Variants in CMSS1 observed in about 807,000 individuals in gnomAD.
The protein encoded by CMSS1 is protein CMSS1.
A neutral mutation model predicts 43.5 loss-of-function variants in CMSS1; 33 were observed. The ratio of observed to expected loss-of-function variants is 0.76; its 90% confidence interval spans 0.57 to 1.01. The LOEUF (loss-of-function observed/expected upper bound fraction) is 1.01. CMSS1 is among the 50% of genes least tolerant of loss of function. The pLI is 0.00. For missense variants in CMSS1, 313 were observed against 326.4 expected (o/e 0.96, Z 0.32); for synonymous variants, 115 against 117.2 (o/e 0.98, Z 0.12).
chr3:99,855,058 C>T (rs1943890721), intron 1 of CMSS1, among the ~76,000 whole-genome samples: 1 of 152,164 alleles, frequency 6.6e-6, no homozygotes, highest in Non-Finnish European at 1.5e-5. Context: ...CAAGGCTTTA[C>T]CATTTACATG....
chr3:100,061,738 C>G (rs1295065078), intron 1 of CMSS1, among the ~76,000 whole-genome samples: 6 of 152,182 alleles, frequency 3.9e-5, no homozygotes, highest in Admixed American at 6.5e-5. Flanking sequence ...TCCTCCCATT[C>G]TGAGGTGAGA....
intron 1 of CMSS1, chr3:99,847,954 T>C (rs1376045397): frequency 2.9e-6 from 3 of 1,021,436 alleles, no homozygotes; most frequent in East Asian, 8.4e-5. Flanking sequence ...TTTACTGTTT[T>C]ATAATGTTAA....
chr3:99,961,709 A>T lies in CMSS1; in HGVS notation c.64+143666A>T, dbSNP rs562621164. Among the ~76,000 whole-genome samples the T allele has an allele frequency of 1.5e-3, 232 of 152,266 alleles. 1 individual carries two copies. The highest frequency in any genetic ancestry group is 6.2e-3 in the East Asian group (32 of 5,188). On this transcript the variant is annotated intron_variant, in intron 1 of 9. Transcript: ENST00000421999. ...TTATAAGTGATTTAGTCTAAAAAAA[A>T]TTTTTTAAGAATATTCTTCTCCTTC...
chr3:99,983,389 A>AATATGTATATATATATATAT (rs1553702701), intron 1 of CMSS1, among the ~76,000 whole-genome samples: 4 of 40,796 alleles, frequency 9.8e-5, no homozygotes, highest in Non-Finnish European at 1.8e-4. Context: ...TAAATAAATA[A>AATATGTATATATATATATAT]ATATATATAT....
chr3:100,091,899 A>G (rs1459278312), intron 1 of CMSS1, among the ~76,000 whole-genome samples: 2 of 152,226 alleles, frequency 1.3e-5, no homozygotes, highest in Non-Finnish European at 2.9e-5. Flanking sequence ...GGCAGTATAT[A>G]ACATGGTGGT....
chr3:99,833,135 G>A, intron 1 of CMSS1: 1 of 1,015,756 alleles, frequency 9.8e-7, no homozygotes, highest in Non-Finnish European at 1.5e-6. Flanking sequence ...AAGTTGGAAA[G>A]CTCATTCATA....
chr3:100,039,976 A>G (rs2065176491), intron 1 of CMSS1: 2 of 152,084 alleles, frequency 1.3e-5, no homozygotes, highest in South Asian at 4.2e-4. Context: ...GATGGTCTCG[A>G]TCTCTTGACC....
In CMSS1 at chr3:99,938,089, G is replaced by A. The variant is rs919247505; in HGVS notation, c.64+120046G>A. The stretch of plus-strand genomic sequence containing the variant: ...TGTGTGTGTGTGCGCGCGCGCGCGC[G>A]CGTGCATGCACACTCGTGCTGGGTG... On this transcript the variant is annotated intron_variant, in intron 1 of 9. Coordinates refer to ENST00000421999, the MANE Select transcript of CMSS1 (RefSeq NM_032359.4). Among the ~76,000 whole-genome samples, 18 of 152,122 alleles carry A rather than the reference G, an allele frequency of 1.2e-4. No individual in the cohort carries two copies. In the South Asian group the frequency reaches 1.2e-3, roughly 11 times the overall value.
At chr3:100,003,260 T>G (rs1265836119) in intron 1 of CMSS1, among the ~76,000 whole-genome samples, 1 of 152,228 alleles carries the variant, frequency 6.6e-6, no homozygotes, top group East Asian at 1.9e-4. Flanking sequence ...ATGTTAGAAC[T>G]GGCAAGTTAC....
chr3:99,998,933 C>T (rs899638366), intron 1 of CMSS1, among the ~76,000 whole-genome samples: 1 of 152,218 alleles, frequency 6.6e-6, no homozygotes, highest in African/African-American at 2.4e-5. Context: ...TCTCCACTAT[C>T]TTTGGCATAA....
intron 1 of CMSS1, chr3:100,114,893 C>T: frequency 7.4e-7 from 1 of 1,345,812 alleles, no homozygotes; most frequent in Non-Finnish European, 1.0e-6. Flanking sequence ...ATTATTAACG[C>T]TGTGTTGGAC....
At chr3:99,924,269 C>T (rs546265920) in intron 1 of CMSS1, 2 of 1,614,032 alleles carry the variant, frequency 1.2e-6, no homozygotes, top group Admixed American at 1.7e-5. Flanking sequence ...GAATTCATCA[C>T]TCTTCTCCAT....
At chr3:100,023,020 A>G (rs949262070) in intron 1 of CMSS1, among the ~76,000 whole-genome samples, 2 of 152,108 alleles carry the variant, frequency 1.3e-5, no homozygotes, top group African/African-American at 4.8e-5. Context: ...GAGTAGCCAC[A>G]CCTCTCCATG....
chr3:100,020,707 A>T (rs1188560566), intron 1 of CMSS1, among the ~76,000 whole-genome samples: 1 of 150,322 alleles, frequency 6.7e-6, no homozygotes, highest in Non-Finnish European at 1.5e-5. Context: ...GCGAGTATAC[A>T]TGTTACTATT....
intron 1 of CMSS1, among the ~76,000 whole-genome samples, chr3:100,026,671 C>A (rs756599651): frequency 6.6e-6 from 1 of 152,124 alleles, no homozygotes; most frequent in Non-Finnish European, 1.5e-5. Flanking sequence ...ATCAGGAAAT[C>A]CTGTTGGCTC....
intron 1 of CMSS1, among the ~76,000 whole-genome samples, chr3:99,886,377 AC>A (rs1705897405): frequency 6.6e-6 from 1 of 152,098 alleles, no homozygotes; most frequent in Non-Finnish European, 1.5e-5. Flanking sequence ...CTTGTACCAT[AC>A]ATAAAATACA....
At chr3:100,132,253 A>T (rs1481161496) in intron 1 of CMSS1, among the ~76,000 whole-genome samples, 1 of 152,006 alleles carries the variant, frequency 6.6e-6, no homozygotes, top group Admixed American at 6.6e-5. Context: ...AGTTTAAAAA[A>T]TTGGCCAGAC....
At chr3:99,974,838 G>T (rs1413561621) in intron 1 of CMSS1, among the ~76,000 whole-genome samples, 2 of 152,176 alleles carry the variant, frequency 1.3e-5, no homozygotes, top group Non-Finnish European at 2.9e-5. Context: ...CTTAGGAGAT[G>T]AACATTTCCA....
At chr3:100,118,647 G>A (rs1239496791) in intron 1 of CMSS1, among the ~76,000 whole-genome samples, 5 of 152,022 alleles carry the variant, frequency 3.3e-5, no homozygotes, top group Non-Finnish European at 5.9e-5. Flanking sequence ...TTCCATCTCC[G>A]TTTAAGCTTC....
Sources: allele counts gnomAD v4.1 joint callset (sites outside exome capture counted in the v4.1 genomes callset), GRCh38; gene constraint gnomAD v4.1.1; transcripts MANE v1.5; gene names NCBI Gene and HGNC (gene_info 2026-07-23, HGNC 2026-07-21).